The following CSMD1 variants were observed in gnomAD, a reference collection of about 807,000 sequenced individuals.
CSMD1 encodes CUB and Sushi multiple domains 1.
In CSMD1, 213 loss-of-function variants were observed where a neutral mutation model predicts 417.5. The ratio of observed to expected loss-of-function variants is 0.51; its 90% CI spans 0.46 to 0.57. CSMD1 has a LOEUF of 0.57. Among genes scored for constraint, CSMD1 ranks in the 20% least tolerant of loss-of-function variants. The probability of loss-of-function intolerance (pLI) is 0.00; values close to 1 mark genes in which losing one functional copy is unlikely to be tolerated. For synonymous variants in CSMD1, 2,862 were observed against 1,736.8 expected, an observed-to-expected ratio of 1.65 and a Z score of -16.11; for missense variants, 6,923 against 4,529.7, an observed-to-expected ratio of 1.53 and a Z score of -15.17.
Position 4,470,619 on chromosome 8 carries a change from G to T in CSMD1, c.303-50554C>A, listed in dbSNP as rs149296687. Reference sequence around the variant, plus strand: ...ACACTGGTCTAAGAGCTCATAAATGGCTTTCCTGTACGTTAACCATTTCAA... The same window carrying T: ...ACACTGGTCTAAGAGCTCATAAATGTCTTTCCTGTACGTTAACCATTTCAA... On this transcript the variant is annotated intron_variant, in intron 2 of 69. Coordinates refer to ENST00000635120, the MANE Select transcript of CSMD1 (RefSeq NM_033225.6). 4.8e-3 allele frequency among the ~76,000 whole-genome samples: 738 copies of T among 152,298 alleles called. 5 individuals carry two copies. Among genetic ancestry groups the T allele is most frequent in the African/African-American group, 0.016 (666 of 41,556 alleles).
At chr8:4,450,274 C>A (rs1433243307) in intron 2 of CSMD1, among the ~76,000 whole-genome samples, 2 of 152,176 alleles carry the variant, frequency 1.3e-5, no homozygotes, top group African/African-American at 2.4e-5. Context: ...GAGCACACAA[C>A]ATGGGAGAAA....
At chr8:3,605,401 G>T (rs113868188) in intron 8 of CSMD1, among the ~76,000 whole-genome samples, 1 of 152,134 alleles carries the variant, frequency 6.6e-6, no homozygotes, top group Admixed American at 6.5e-5. Flanking sequence ...CTCTGCTCTC[G>T]CTGGAGTTGA....
chr8:3,218,552 C>G (rs1461746074), intron 29 of CSMD1, among the ~76,000 whole-genome samples: 1 of 132,422 alleles, frequency 7.6e-6, no homozygotes, highest in Admixed American at 8.1e-5. Context: ...TAGAGCAAGA[C>G]TCCATCTCAA....
At chr8:4,332,420 C>T (rs138012431) in intron 3 of CSMD1, among the ~76,000 whole-genome samples, 1 of 152,194 alleles carries the variant, frequency 6.6e-6, no homozygotes, top group African/African-American at 2.4e-5. Context: ...TCTTTCTAGG[C>T]ACCTGTGAGT....
At chr8:3,437,803 A>G (rs1814669143) in intron 12 of CSMD1, among the ~76,000 whole-genome samples, 1 of 150,976 alleles carries the variant, frequency 6.6e-6, no homozygotes, top group African/African-American at 2.4e-5. Context: ...GCTGGAGTGC[A>G]GTGGCACAAT....
intron 7 of CSMD1, among the ~76,000 whole-genome samples, chr8:3,661,071 G>A (rs996633815): frequency 2.0e-5 from 3 of 152,154 alleles, no homozygotes; most frequent in Non-Finnish European, 2.9e-5. Flanking sequence ...CAGAGAAGGA[G>A]AAAACAAATG....
intron 3 of CSMD1, among the ~76,000 whole-genome samples, chr8:4,362,195 C>T (rs118103095): frequency 0.012 from 1,806 of 152,202 alleles, 20 homozygotes; most frequent in Non-Finnish European, 0.02. Flanking sequence ...TCCATTACAT[C>T]TGTATTTTCC....
chr8:3,353,680 G>T (rs1477506863), intron 21 of CSMD1, among the ~76,000 whole-genome samples: 2 of 152,170 alleles, frequency 1.3e-5, no homozygotes, highest in East Asian at 3.9e-4. Context: ...AACATTCATT[G>T]AAAATCACCA....
intron 3 of CSMD1, among the ~76,000 whole-genome samples, chr8:4,112,142 G>C (rs539535796): frequency 1.7e-3 from 252 of 152,218 alleles, no homozygotes; most frequent in Non-Finnish European, 2.5e-3. Flanking sequence ...CAAAGTGCTG[G>C]GCATCCAGAG....
chr8:3,965,872 C>G (rs1041634231), intron 5 of CSMD1, among the ~76,000 whole-genome samples: 2 of 152,100 alleles, frequency 1.3e-5, no homozygotes, highest in Non-Finnish European at 2.9e-5. Flanking sequence ...CAGCCTTGGC[C>G]TTTTGAAGTG....
chr8:3,686,458 T>G (rs1799949874), intron 7 of CSMD1, among the ~76,000 whole-genome samples: 1 of 152,120 alleles, frequency 6.6e-6, no homozygotes, highest in Non-Finnish European at 1.5e-5. Flanking sequence ...CACCCCACCA[T>G]ATGCTGCTCT....
rs954277752 is a variant in CSMD1, at chr8:4,925,419, C to A, written c.85+68913G>T. Among the ~76,000 whole-genome samples the A allele has an allele frequency of 1.2e-4, 18 of 151,856 alleles. 1 individual carries two copies. The highest frequency in any genetic ancestry group is 6.8e-3 in the Middle Eastern group (2 of 294). Reference sequence around the variant, plus strand: ...ATTTTGTAAAACAATCTAAAATATACCTTTCCTACAGAACTTACTGTTAAT... The same window carrying A: ...ATTTTGTAAAACAATCTAAAATATAACTTTCCTACAGAACTTACTGTTAAT... On this transcript the variant is annotated intron_variant, in intron 1 of 69. Coordinates refer to ENST00000635120, the MANE Select transcript of CSMD1 (RefSeq NM_033225.6).
At chr8:4,055,997 T>C (rs777571710) in intron 3 of CSMD1, among the ~76,000 whole-genome samples, 85 of 151,804 alleles carry the variant, frequency 5.6e-4, no homozygotes, top group Non-Finnish European at 1.0e-3. Flanking sequence ...GGCTCTGTTA[T>C]GGAAAATTGT....
At chr8:3,238,285 A>G (rs894010033) in intron 26 of CSMD1, among the ~76,000 whole-genome samples, 1 of 152,088 alleles carries the variant, frequency 6.6e-6, no homozygotes. Flanking sequence ...AGGCAGGAAC[A>G]GGCCATTTTC....
intron 4 of CSMD1, among the ~76,000 whole-genome samples, chr8:4,019,234 A>G (rs1796668127): frequency 6.6e-6 from 1 of 152,234 alleles, no homozygotes; most frequent in South Asian, 2.1e-4. Flanking sequence ...TGGCTGAGTT[A>G]GGTCAGAGGC....
chr8:3,622,671 G>T (rs566938408), intron 7 of CSMD1, among the ~76,000 whole-genome samples: 1 of 152,334 alleles, frequency 6.6e-6, no homozygotes, highest in East Asian at 1.9e-4. Flanking sequence ...GAGATTAAAT[G>T]TAAAATACAG....
At chr8:4,587,114 G>C (rs1480953867) in intron 2 of CSMD1, among the ~76,000 whole-genome samples, 2 of 152,128 alleles carry the variant, frequency 1.3e-5, no homozygotes, top group African/African-American at 2.4e-5. Context: ...GAGGCCAATA[G>C]ATTAGGTGCG....
At chr8:3,200,581 A>G (rs1262390109) in intron 32 of CSMD1, among the ~76,000 whole-genome samples, 1 of 150,920 alleles carries the variant, frequency 6.6e-6, no homozygotes, top group Non-Finnish European at 1.5e-5. Context: ...TAATAATAAT[A>G]ATAAAATAAA....
intron 3 of CSMD1, among the ~76,000 whole-genome samples, chr8:4,104,766 C>G (rs1223900859): frequency 3.3e-5 from 5 of 152,168 alleles, no homozygotes; most frequent in African/African-American, 1.2e-4. Flanking sequence ...TCCGGCTTTC[C>G]GTTTCCCAGG....
Sources: gnomAD v4.1 joint callset for allele counts (sites outside exome capture counted in the v4.1 genomes callset) on GRCh38, gnomAD v4.1.1 for gene constraint, MANE v1.5 for transcripts, NCBI Gene and HGNC (gene_info 2026-07-23, HGNC 2026-07-21) for gene names.